The following B4GALT7 variants were observed in gnomAD, a reference collection of about 807,000 sequenced individuals.
The protein encoded by B4GALT7 is beta-1,4-galactosyltransferase 7, also known as UDP-Gal:beta-GlcNAc beta-1,4-galactosyltransferase 7.
B4GALT7 carries 30 observed loss-of-function variants against 33.0 expected under a neutral mutation model. That is an observed-to-expected ratio of 0.91 (90% CI 0.68 to 1.23). B4GALT7 has a LOEUF of 1.23. B4GALT7 is among the 50% of genes most tolerant of loss of function. B4GALT7 has a pLI of 0.00. For synonymous variants in B4GALT7, 213 were observed against 187.2 expected, an observed-to-expected ratio of 1.14 and a Z score of -1.13; for missense variants, 507 against 450.8, an observed-to-expected ratio of 1.12 and a Z score of -1.13.
chr5:177,602,206 C>T (rs1435485530), intron 1 of B4GALT7, among the ~76,000 whole-genome samples: 1 of 152,064 alleles, frequency 6.6e-6, no homozygotes, highest in Non-Finnish European at 1.5e-5. Flanking sequence ...AAGTCAGAAG[C>T]CCTGGGGGGT....
chr5:177,602,853 A>G, intron 1 of B4GALT7: 1 of 976,668 alleles, frequency 1.0e-6, no homozygotes, highest in Non-Finnish European at 1.2e-6. Context: ...AGGAAGGATC[A>G]GAGGGGGACT....
In B4GALT7 at chr5:177,607,203, G is replaced by C. The variant is rs970089872; in HGVS notation, c.414-99G>C. The C allele has an allele frequency of 1.4e-5, 14 of 1,009,440 alleles. No homozygotes were observed. The African/African-American group carries it at 2.1e-4, about 15-fold the overall frequency. The allele number at this position is 1,009,440 out of a possible 1,614,324, so 62.5% of individuals were successfully genotyped here. On this transcript the variant is annotated intron_variant, in intron 2 of 5. Transcript: ENST00000029410. Reference sequence around the variant, plus strand: ...GCTGAGTGAAGTCAGTGCTGGGCCAGAGGGCAGCATAGGCACCATGGGGAC... The same window carrying C: ...GCTGAGTGAAGTCAGTGCTGGGCCACAGGGCAGCATAGGCACCATGGGGAC...
In B4GALT7 at chr5:177,604,449, G is replaced by T; in HGVS notation, c.321G>T (p.Glu107Asp). Residue 107 changes from glutamate (E) to aspartate (D), a missense_variant, in exon 2 of 6, where the codon GAG (glutamate) becomes GAT (aspartate). Physicochemically the swap from Glu to Asp is conservative, Grantham distance 45. Coordinates refer to ENST00000029410, the MANE Select transcript of B4GALT7 (RefSeq NM_007255.3). ...TGCCCTTCCGCGAACGCTTCGAGGA[G>T]CTCCTGGTCTTCGTGCCCCACATGC... ...VLVPFRERFE[E>D]LLVFVPHMRR... is the part of the protein sequence containing the mutation. 6.2e-7 allele frequency: 1 copy of T among 1,613,996 alleles called. No individual in the cohort carries two copies. The highest frequency in any genetic ancestry group is 1.1e-5 in the South Asian group (1 of 91,082).
intron 3 of B4GALT7, 155 bp downstream of exon 3, chr5:177,607,682 G>T: frequency 2.7e-6 from 2 of 731,474 alleles, no homozygotes; most frequent in Non-Finnish European, 4.5e-6. Flanking sequence ...CGAAGAGCAG[G>T]CGAGCCAGTC....
Position 177,609,784 on chromosome 5 carries a change from G to A in B4GALT7, c.*89G>A. 2 of 1,512,548 alleles carry A rather than the reference G, an allele frequency of 1.3e-6. No homozygotes were observed. The highest frequency in any genetic ancestry group is 1.8e-6 in the Non-Finnish European group (2 of 1,116,076). 93.7% of individuals were successfully genotyped at this position (1,512,548 alleles called of 1,614,324 possible). A position where few individuals can be genotyped will look rare whatever the true frequency, so the allele number is the denominator to read the frequency against. ...TCAGGTCGTGGGCCCAGCTCTGACA[G>A]GATGTGGAGTGGCCAGGACCAAGAC... On this transcript the variant is annotated 3_prime_UTR_variant, in exon 6 of 6. Coordinates refer to ENST00000029410, the MANE Select transcript of B4GALT7 (RefSeq NM_007255.3).
intron 3 of B4GALT7, 74 bp downstream of exon 3, chr5:177,607,601 C>A: frequency 6.9e-7 from 1 of 1,440,262 alleles, no homozygotes; most frequent in Non-Finnish European, 9.6e-7. Flanking sequence ...AAGGATGGGG[C>A]AGTGCCTCTG....
In B4GALT7 at chr5:177,607,445, C is replaced by A. The variant is rs121917817; in HGVS notation, c.557C>A (p.Ala186Asp). 5 of 1,613,920 alleles carry A rather than the reference C, an allele frequency of 3.1e-6. No homozygotes were observed. Among genetic ancestry groups the A allele is most frequent in the Non-Finnish European group, 3.4e-6 (4 of 1,180,044 alleles). The part of the protein sequence containing the change: ...GFPEAGPFHV[A>D]SPELHPLYHY... ...CCTGAGGCTGGGCCCTTCCACGTGGCCTCCCCGGAGCTCCACCCTCTCTAC... is the reference window on the plus strand; with the variant it reads ...CCTGAGGCTGGGCCCTTCCACGTGGACTCCCCGGAGCTCCACCCTCTCTAC... The change falls in exon 3 of 6, where the codon GCC becomes GAC. Residue 186 changes from alanine (A) to aspartate (D), a missense_variant. Physicochemically the swap from Ala to Asp is moderately radical, Grantham distance 126 (BLOSUM62 -2). Transcript: ENST00000029410.
rs557374282 is a variant in B4GALT7, at chr5:177,609,620, C to G, written c.909C>G (p.Gly303=). 6.2e-7 allele frequency: 1 copy of G among 1,614,002 alleles called. No individual in the cohort carries two copies. Among genetic ancestry groups the G allele is most frequent in the South Asian group, 1.1e-5 (1 of 91,078 alleles). ...CTTCCCGCACTGCCCTGTCTGTGGG[C>G]GGGGCCCCCTGCACTGTCCTCAACA... ...HVASRTALSV[G]GAPCTVLNIM... is the part of the protein sequence containing the mutation. The change falls in exon 6 of 6, where the codon GGC becomes GGG. Residue 303 remains glycine (G), a synonymous_variant. Coordinates refer to ENST00000029410, the MANE Select transcript of B4GALT7 (RefSeq NM_007255.3).
In B4GALT7 at chr5:177,606,991, T is replaced by G. The variant is rs957755886; in HGVS notation, c.414-311T>G. 2 of 446,660 alleles carry G rather than the reference T, an allele frequency of 4.5e-6. No individual in the cohort carries two copies. Among genetic ancestry groups the G allele is most frequent in the Non-Finnish European group, 8.4e-6 (2 of 238,722 alleles). The allele number at this position is 446,660 out of a possible 1,614,324, so 27.7% of individuals were successfully genotyped here. On this transcript the variant is annotated intron_variant, in intron 2 of 5. Coordinates refer to ENST00000029410, the MANE Select transcript of B4GALT7 (RefSeq NM_007255.3). This position sits in a 1 kb window ranked among gnomAD's most constrained non-coding sequence, Gnocchi z 4.2. ...TCGCCCTCCTTGCCTGCTTTGCTTTTCCCCCCAGCACGAACCACTGCTGGC... is the reference window on the plus strand; with the variant it reads ...TCGCCCTCCTTGCCTGCTTTGCTTTGCCCCCCAGCACGAACCACTGCTGGC...
Position 177,604,455 on chromosome 5 carries a change from G to A in B4GALT7, c.327G>A (p.Leu109=). The A allele has an allele frequency of 6.2e-7, 1 of 1,613,970 alleles. No homozygotes were observed. Among genetic ancestry groups the A allele is most frequent in the Non-Finnish European group, 8.5e-7 (1 of 1,179,936 alleles). The change falls in exon 2 of 6, where the codon CTG becomes CTA. Residue 109 remains leucine (L), a synonymous_variant. Transcript: ENST00000029410. ...VPFRERFEEL[L]VFVPHMRRFL... ...TCCGCGAACGCTTCGAGGAGCTCCTGGTCTTCGTGCCCCACATGCGCCGCT... is the reference window on the plus strand; with the variant it reads ...TCCGCGAACGCTTCGAGGAGCTCCTAGTCTTCGTGCCCCACATGCGCCGCT...
chr5:177,609,253 C>G lies in B4GALT7; in HGVS notation c.828+239C>G, dbSNP rs112981306. ...CATGCAGGCTGGCAGGGTGGGGTGGCGGAGGCGTAGCTGAAGGTGCCAGAA... is the reference window on the plus strand; with the variant it reads ...CATGCAGGCTGGCAGGGTGGGGTGGGGGAGGCGTAGCTGAAGGTGCCAGAA... On this transcript the variant is annotated intron_variant, in intron 5 of 5. Transcript: ENST00000029410. Among the ~76,000 whole-genome samples, 7,731 of 152,118 alleles carry G rather than the reference C, an allele frequency of 0.051. 247 individuals are homozygous for G. The highest frequency in any genetic ancestry group is 0.096 in the African/African-American group (3,966 of 41,484).
Position 177,606,955 on chromosome 5 carries a change from C to T in B4GALT7, c.414-347C>T, listed in dbSNP as rs1378249824. The T allele has an allele frequency of 5.1e-6, 2 of 392,792 alleles. No individual in the cohort carries two copies. The highest frequency in any genetic ancestry group is 9.8e-6 in the Non-Finnish European group (2 of 204,758). 24.3% of individuals were successfully genotyped at this position (392,792 alleles called of 1,614,324 possible). On this transcript the variant is annotated intron_variant, in intron 2 of 5. Coordinates refer to ENST00000029410, the MANE Select transcript of B4GALT7 (RefSeq NM_007255.3). The surrounding 1 kb of genome is among the most constrained non-coding windows in gnomAD (Gnocchi z 4.2). ...CACCGAGGACAAGAGCCACCTCCAC[C>T]CCCAGCAAGATCGCCCTCCTTGCCT...
In B4GALT7 at chr5:177,608,852, G is replaced by C; in HGVS notation, c.724-58G>C. The C allele has an allele frequency of 6.8e-7, 1 of 1,466,382 alleles. No individual in the cohort carries two copies. Among genetic ancestry groups the C allele is most frequent in the Non-Finnish European group, 9.5e-7 (1 of 1,048,826 alleles). 90.8% of individuals were successfully genotyped at this position (1,466,382 alleles called of 1,614,324 possible). A position where few individuals can be genotyped will look rare whatever the true frequency, so the allele number is the denominator to read the frequency against. ...TCCTGTGGGACCTCGGGAGCTGGTG[G>C]TGAGGGCTGGGGCTCCAGGAAGGGC... On this transcript the variant is annotated intron_variant, in intron 4 of 5. Transcript: ENST00000029410. This position sits in a 1 kb window ranked among gnomAD's most constrained non-coding sequence, Gnocchi z 4.1.
chr5:177,608,599 C>T lies in B4GALT7; in HGVS notation c.700C>T (p.Arg234Cys), dbSNP rs139730903. 177 of 1,613,702 alleles carry T rather than the reference C, an allele frequency of 1.1e-4. No homozygotes were observed. Among genetic ancestry groups the T allele is most frequent in the Admixed American group, 4.3e-4 (26 of 60,000 alleles). The part of the protein sequence containing the change: ...WGREDDEFYR[R>C]IKGAGLQLFR... ...CCGCGAGGACGACGAGTTCTACCGG[C>T]GCATTAAGGGAGCTGGGCTCCAGGT... is the stretch of plus-strand genomic sequence containing the variant. Residue 234 changes from arginine to cysteine, a missense_variant, in exon 4 of 6, where the codon CGC becomes TGC. By Grantham distance (180) the Arg-to-Cys change is radical. Coordinates refer to ENST00000029410, the MANE Select transcript of B4GALT7 (RefSeq NM_007255.3). The surrounding 1 kb of genome is among the most constrained non-coding windows in gnomAD (Gnocchi z 4.1).
chr5:177,604,195 G>A lies in B4GALT7; in HGVS notation c.67G>A (p.Gly23Ser), dbSNP rs905273502. The A allele has an allele frequency of 3.7e-6, 6 of 1,613,436 alleles. No homozygotes were observed. The African/African-American group carries it at 6.7e-5, about 18-fold the overall frequency. ...TTGCTCCAGGTCCGGGTTGCTCTCC[G>A]GCGGCCTCCCTCGGAAGTGTTCCGT... Reference protein sequence around the residue: ...WEDGRSGLLSGGLPRKCSVFH... With the variant: ...WEDGRSGLLSSGLPRKCSVFH... Residue 23 changes from glycine to serine, a missense_variant, in exon 2 of 6, where the codon GGC becomes AGC. Coordinates refer to ENST00000029410, the MANE Select transcript of B4GALT7 (RefSeq NM_007255.3).
intron 1 of B4GALT7, among the ~76,000 whole-genome samples, chr5:177,601,162 A>G (rs1935026203): frequency 6.6e-6 from 1 of 152,006 alleles, no homozygotes; most frequent in South Asian, 2.1e-4. Context: ...ACTTTTGGGG[A>G]TTTTTCAGAC....
Position 177,609,542 on chromosome 5 carries a change from G to C in B4GALT7, c.831G>C (p.Glu277Asp). 6.2e-7 allele frequency: 1 copy of C among 1,613,214 alleles called. No homozygotes were observed. The highest frequency in any genetic ancestry group is 8.5e-7 in the Non-Finnish European group (1 of 1,180,022). Residue 277 changes from glutamate to aspartate, a missense_variant and splice_region_variant, in exon 6 of 6, where the codon GAG becomes GAC. Transcript: ENST00000029410. ...CTCTTTCCTCTCTTCCTCCCCAGGA[G>C]CAGTTCAAGGTGGACAGGGAGGGAG... ...DQKRIAAQKQ[E>D]QFKVDREGGL...
chr5:177,607,514 A>G lies in B4GALT7; in HGVS notation c.626A>G (p.Gln209Arg), dbSNP rs1362433836. 6.2e-7 allele frequency: 1 copy of G among 1,612,152 alleles called. No individual in the cohort carries two copies. Among genetic ancestry groups the G allele is most frequent in the Non-Finnish European group, 8.5e-7 (1 of 1,180,004 alleles). The stretch of plus-strand genomic sequence containing the variant: ...GGCGGCATCCTGCTGCTCTCCAAGC[A>G]GCACTACCGGCTGGTGAGGCCCGGA... Reference protein sequence around the residue: ...YVGGILLLSKQHYRLCNGMSN... With the variant: ...YVGGILLLSKRHYRLCNGMSN... Residue 209 changes from glutamine to arginine, a missense_variant, in exon 3 of 6, where the codon CAG becomes CGG. By Grantham distance (43) the Gln-to-Arg change is conservative. Coordinates refer to ENST00000029410, the MANE Select transcript of B4GALT7 (RefSeq NM_007255.3).
At chr5:177,601,551 C>G (rs1767842312) in intron 1 of B4GALT7, 1 of 152,200 alleles carries the variant, frequency 6.6e-6, no homozygotes, top group Non-Finnish European at 1.5e-5. Flanking sequence ...ATAGCTGTTT[C>G]CAGAGAAATT....
Sources: allele counts gnomAD v4.1 joint callset (sites outside exome capture counted in the v4.1 genomes callset), GRCh38; gene constraint gnomAD v4.1.1; non-coding constraint Gnocchi (gnomAD v3.1); transcripts MANE v1.5; gene names NCBI Gene and HGNC (gene_info 2026-07-23, HGNC 2026-07-21).